The following TAFA5 variants were observed in gnomAD, a reference collection of about 807,000 sequenced individuals.
TAFA5 encodes chemokine-like protein TAFA-5.
In TAFA5, 6 loss-of-function variants were observed where a neutral mutation model predicts 15.3. The ratio of observed to expected loss-of-function variants is 0.39; its 90% CI spans 0.21 to 0.77. TAFA5 has a LOEUF of 0.77. TAFA5 is among the 30% of genes least tolerant of loss of function. The pLI is 0.41. For synonymous variants in TAFA5, 103 were observed against 80.7 expected, an observed-to-expected ratio of 1.28 and a Z score of -1.48; for missense variants, 161 against 193.1, an observed-to-expected ratio of 0.83 and a Z score of 0.98.
At chr22:48,608,470 T>TC in intron 1 of TAFA5, among the ~76,000 whole-genome samples, 1 of 152,160 alleles carries the variant, frequency 6.6e-6, no homozygotes, top group African/African-American at 2.4e-5. Context: ...AGTTGACTCA[T>TC]CCGTCCTCCA....
intron 3 of TAFA5, among the ~76,000 whole-genome samples, chr22:48,730,471 C>G (rs1929840347): frequency 6.6e-6 from 1 of 152,202 alleles, no homozygotes; most frequent in Non-Finnish European, 1.5e-5. Context: ...ACAGGCCCAC[C>G]TTGTTTTATT....
chr22:48,672,489 C>A (rs564325935), intron 2 of TAFA5, among the ~76,000 whole-genome samples: 1 of 152,246 alleles, frequency 6.6e-6, no homozygotes, highest in Non-Finnish European at 1.5e-5. Context: ...AAGAAGTTGC[C>A]GCATATCAGA....
rs559554767 is a variant in TAFA5 at position 48,641,280 on chromosome 22, C to T, written c.113-5317C>T. On this transcript the variant is annotated intron_variant, in intron 1 of 3. Transcript: ENST00000402357. The stretch of plus-strand genomic sequence containing the variant: ...AGAAGGGGGTCTCTGTGAAATGATG[C>T]GTGACAAACACCACCTATGGAAAGG... Among the ~76,000 whole-genome samples the T allele has an allele frequency of 5.9e-5, 9 of 152,226 alleles. No individual in the cohort carries two copies. The South Asian group carries it at 1.0e-3, about 18-fold the overall frequency.
intron 1 of TAFA5, among the ~76,000 whole-genome samples, chr22:48,524,312 A>T (rs73888428): frequency 1.3e-5 from 2 of 152,102 alleles, no homozygotes; most frequent in African/African-American, 4.8e-5. Context: ...TGGAGTGGAG[A>T]GGAAGCTCCT....
In TAFA5 at chr22:48,750,668, A is replaced by G. The variant is rs1169304804; in HGVS notation, c.*821A>G. 2 of 153,032 alleles carry G rather than the reference A, an allele frequency of 1.3e-5. No homozygotes were observed. Among genetic ancestry groups the G allele is most frequent in the African/African-American group, 4.8e-5 (2 of 41,440 alleles). 9.5% of individuals were successfully genotyped at this position (153,032 alleles called of 1,614,324 possible). ...TTAAACATGCCTCTTCTACAGCTCC[A>G]TTTTTGATAGTTGGATAATCCAGTA... On this transcript the variant is annotated 3_prime_UTR_variant, in exon 4 of 4. Coordinates refer to ENST00000402357, the MANE Select transcript of TAFA5 (RefSeq NM_001082967.3).
chr22:48,523,040 C>A (rs1032913098), intron 1 of TAFA5, among the ~76,000 whole-genome samples: 1 of 152,210 alleles, frequency 6.6e-6, no homozygotes, highest in East Asian at 1.9e-4. Flanking sequence ...GCAGGAGACC[C>A]AGAGCCCATG....
At chr22:48,740,496 G>A (rs1405250375) in intron 3 of TAFA5, among the ~76,000 whole-genome samples, 1 of 152,348 alleles carries the variant, frequency 6.6e-6, no homozygotes, top group Non-Finnish European at 1.5e-5. Context: ...TACCAGGGGG[G>A]CAGGGATGGA....
intron 1 of TAFA5, among the ~76,000 whole-genome samples, chr22:48,508,172 T>C (rs1921075701): frequency 6.6e-6 from 1 of 152,144 alleles, no homozygotes; most frequent in Admixed American, 6.5e-5. Flanking sequence ...ACTGTCTGTG[T>C]GGGGGCTGCA....
intron 3 of TAFA5, among the ~76,000 whole-genome samples, chr22:48,738,068 G>C (rs899819012): frequency 4.6e-5 from 7 of 152,102 alleles, no homozygotes; most frequent in Admixed American, 3.3e-4. Context: ...CTGAGTCCAG[G>C]AACCCACCTT....
intron 1 of TAFA5, among the ~76,000 whole-genome samples, chr22:48,621,952 G>C (rs1388122450): frequency 6.6e-6 from 1 of 152,158 alleles, no homozygotes; most frequent in East Asian, 1.9e-4. Flanking sequence ...TGTTTTCCTA[G>C]ATGAGGAGTT....
chr22:48,604,085 C>T (rs1410857830), intron 1 of TAFA5, among the ~76,000 whole-genome samples: 2 of 152,182 alleles, frequency 1.3e-5, no homozygotes, highest in Admixed American at 6.5e-5. Flanking sequence ...GCGACAGGCG[C>T]GCAAGCTACC....
chr22:48,688,066 G>C (rs1448872674), intron 2 of TAFA5, among the ~76,000 whole-genome samples: 1 of 148,648 alleles, frequency 6.7e-6, no homozygotes, highest in Non-Finnish European at 1.5e-5. Flanking sequence ...GCTTATTACA[G>C]TTGGGGTTTT....
rs147930899 is a variant in TAFA5 at position 48,652,183 on chromosome 22, G to A, written c.262+5437G>A. Among the ~76,000 whole-genome samples, 15 of 152,350 alleles carry A rather than the reference G, an allele frequency of 9.8e-5. No individual in the cohort carries two copies. The East Asian group carries it at 2.7e-3, about 27-fold the overall frequency. ...ATGTTGTGGCTGGGACTAGGGTGAC[G>A]GGAATTTTCCACCAGGAGCGACGTG... On this transcript the variant is annotated intron_variant, in intron 2 of 3. Transcript: ENST00000402357.
rs956368759 is a variant in TAFA5, at chr22:48,751,207, C to G, written c.*1360C>G. 1 of 152,496 alleles carries G rather than the reference C, an allele frequency of 6.6e-6. No individual in the cohort carries two copies. The highest frequency in any genetic ancestry group is 2.4e-5 in the African/African-American group (1 of 41,474). The allele number at this position is 152,496 out of a possible 1,614,324, so 9.4% of individuals were successfully genotyped here. A position where few individuals can be genotyped will look rare whatever the true frequency, so the allele number is the denominator to read the frequency against. ...GGGTTTTGTTTCCCATTTCCTGCCC[C>G]TTTCGCCACTCACGGACCTTGAGGC... On this transcript the variant is annotated 3_prime_UTR_variant, in exon 4 of 4. Coordinates refer to ENST00000402357, the MANE Select transcript of TAFA5 (RefSeq NM_001082967.3).
chr22:48,649,517 A>G (rs755292076), intron 2 of TAFA5, among the ~76,000 whole-genome samples: 2 of 152,088 alleles, frequency 1.3e-5, no homozygotes, highest in South Asian at 2.1e-4. Context: ...ACATCTATCA[A>G]TTTGCATCTG....
chr22:48,548,808 A>T (rs1195604462), intron 1 of TAFA5, among the ~76,000 whole-genome samples: 2 of 152,246 alleles, frequency 1.3e-5, no homozygotes, highest in Non-Finnish European at 2.9e-5. Flanking sequence ...GAAGTCTCTT[A>T]TCTCCTGGCC....
rs1003524010 is a variant in TAFA5 at position 48,704,200 on chromosome 22, G to GCGCACACA, written c.263-3516_263-3515insGCACACAC. The stretch of plus-strand genomic sequence containing the variant: ...AGAAACACACCCTCAACACACACGC[G>GCGCACACA]CACACACACACACACACACACACGA... On this transcript the variant is annotated intron_variant, in intron 2 of 3. Transcript: ENST00000402357. Among the ~76,000 whole-genome samples the GCGCACACA allele has an allele frequency of 7.0e-3, 1,045 of 150,204 alleles. 19 individuals carry two copies. The highest frequency in any genetic ancestry group is 0.023 in the African/African-American group (961 of 40,904).
intron 1 of TAFA5, among the ~76,000 whole-genome samples, chr22:48,580,971 C>A (rs924257819): frequency 1.3e-5 from 2 of 152,226 alleles, no homozygotes; most frequent in African/African-American, 4.8e-5. Flanking sequence ...TGTCCCTCAG[C>A]CTGCCTCTCC....
intron 2 of TAFA5, among the ~76,000 whole-genome samples, chr22:48,691,736 A>T (rs1322108122): frequency 6.6e-6 from 1 of 152,196 alleles, no homozygotes; most frequent in Non-Finnish European, 1.5e-5. Context: ...GAGGAAGGCC[A>T]GGTGTCTGGC....
Sources: allele counts gnomAD v4.1 joint callset (sites outside exome capture counted in the v4.1 genomes callset), GRCh38; gene constraint gnomAD v4.1.1; transcripts MANE v1.5; gene names NCBI Gene and HGNC (gene_info 2026-07-23, HGNC 2026-07-21).